The following GRIA1 variants were observed in gnomAD, a reference collection of about 807,000 sequenced individuals.
GRIA1 encodes glutamate receptor 1.
In GRIA1, 31 loss-of-function variants were observed where a neutral mutation model predicts 99.2. The ratio of observed to expected loss-of-function variants is 0.31; its 90% confidence interval spans 0.23 to 0.42. The LOEUF is 0.42. GRIA1 is among the 10% of genes least tolerant of loss of function. The pLI, the probability that GRIA1 is intolerant of heterozygous loss-of-function variation, is 1.00. For missense variants in GRIA1, 782 were observed against 1,157.5 expected (o/e 0.68, Z 4.71); for synonymous variants, 438 against 432.4 (o/e 1.01, Z -0.16).
At chr5:153,724,818 A>G (rs2149546844) in intron 11 of GRIA1, among the ~76,000 whole-genome samples, 1 of 152,214 alleles carries the variant, frequency 6.6e-6, no homozygotes, top group East Asian at 1.9e-4. Context: ...GTTGGAAAAC[A>G]CTCTGCAGGA....
chr5:153,673,392 T>C (rs1296850727), intron 5 of GRIA1, among the ~76,000 whole-genome samples: 1 of 152,250 alleles, frequency 6.6e-6, no homozygotes, highest in Admixed American at 6.5e-5. Flanking sequence ...TATACTATAC[T>C]ATGCTGCATA....
At chr5:153,600,351 C>A (rs528860865) in intron 2 of GRIA1, among the ~76,000 whole-genome samples, 1 of 140,080 alleles carries the variant, frequency 7.1e-6, no homozygotes, top group Non-Finnish European at 1.5e-5. Context: ...GAGATCGCGC[C>A]GCTGCACTCC....
chr5:153,650,112 T>G (rs1004045702), intron 3 of GRIA1, among the ~76,000 whole-genome samples: 2 of 152,210 alleles, frequency 1.3e-5, no homozygotes, highest in African/African-American at 4.8e-5. Context: ...GATTTGAGCC[T>G]CAGATTGTTT....
intron 13 of GRIA1, among the ~76,000 whole-genome samples, chr5:153,772,763 T>A (rs1763965763): frequency 6.6e-6 from 1 of 152,190 alleles, no homozygotes; most frequent in Non-Finnish European, 1.5e-5. Flanking sequence ...AGAAACTTAT[T>A]GATCATCAGC....
At chr5:153,752,391 C>G (rs1448093613) in intron 11 of GRIA1, among the ~76,000 whole-genome samples, 2 of 152,092 alleles carry the variant, frequency 1.3e-5, no homozygotes, top group Non-Finnish European at 2.9e-5. Context: ...TTCTGTGTTC[C>G]TTCCATGCTA....
chr5:153,498,014 G>A (rs1350378219), intron 2 of GRIA1, among the ~76,000 whole-genome samples: 1 of 152,146 alleles, frequency 6.6e-6, no homozygotes. Flanking sequence ...TGCAGAAGGG[G>A]TCACCAAATA....
At chr5:153,489,765 T>A (rs1753744808), upstream of GRIA1, 2 of 456,456 alleles carry the variant, frequency 4.4e-6, no homozygotes, top group Non-Finnish European at 8.8e-6. Flanking sequence ...ATGACCAGCA[T>A]CCAGAAAGAC....
chr5:153,740,984 T>A (rs1761739870), intron 11 of GRIA1, among the ~76,000 whole-genome samples: 1 of 143,088 alleles, frequency 7.0e-6, no homozygotes, highest in South Asian at 2.4e-4. Flanking sequence ...TTTTTTTTTT[T>A]TTTTTTTGAG....
chr5:153,549,967 C>A (rs75721783), intron 2 of GRIA1, among the ~76,000 whole-genome samples: 1,946 of 152,208 alleles, frequency 0.013, 31 homozygotes, highest in African/African-American at 0.039. Flanking sequence ...CGCTTACTAT[C>A]GGTATGAAAT....
chr5:153,727,962 A>G (rs1334715667), intron 11 of GRIA1, among the ~76,000 whole-genome samples: 1 of 151,680 alleles, frequency 6.6e-6, no homozygotes, highest in Non-Finnish European at 1.5e-5. Context: ...TGGAGGCATC[A>G]CGCTACCTGA....
intron 13 of GRIA1, among the ~76,000 whole-genome samples, chr5:153,786,369 C>T (rs2149646895): frequency 6.6e-6 from 1 of 152,118 alleles, no homozygotes; most frequent in East Asian, 1.9e-4. Flanking sequence ...TTTCTAACTT[C>T]CACCCACTGT....
At chr5:153,549,604 T>C (rs868770553) in intron 2 of GRIA1, among the ~76,000 whole-genome samples, 1 of 152,208 alleles carries the variant, frequency 6.6e-6, no homozygotes, top group Middle Eastern at 3.4e-3. Context: ...ATCCAAAAAG[T>C]GGGCAAAAAT....
chr5:153,531,946 A>T (rs929860621), intron 2 of GRIA1, among the ~76,000 whole-genome samples: 3 of 152,142 alleles, frequency 2.0e-5, no homozygotes, highest in Admixed American at 6.5e-5. Context: ...GGTAGGGTCC[A>T]CTTGAAAACC....
intron 5 of GRIA1, among the ~76,000 whole-genome samples, chr5:153,669,694 T>C (rs1756009325): frequency 1.3e-5 from 2 of 152,246 alleles, no homozygotes; most frequent in Non-Finnish European, 2.9e-5. Flanking sequence ...GCCCATTCTT[T>C]CCAATTCTAT....
At chr5:153,595,020 C>T (rs990822387) in intron 2 of GRIA1, among the ~76,000 whole-genome samples, 1 of 152,038 alleles carries the variant, frequency 6.6e-6, no homozygotes, top group Admixed American at 6.5e-5. Flanking sequence ...TTTCAGCTTT[C>T]TTCACCTTGC....
Position 153,494,045 on chromosome 5 carries a change from G to T in GRIA1, c.200G>T (p.Ser67Ile). The change falls in exon 2 of 16, where the codon AGC becomes ATC. Residue 67 changes from serine to isoleucine, a missense_variant. Physicochemically the swap from Ser to Ile is moderately radical, Grantham distance 142 (BLOSUM62 -2). Around this residue, in one of 5 missense-constraint regions of GRIA1, gnomAD observed 461 missense variants for 521.7 expected, o/e 0.88. Coordinates refer to ENST00000285900, the MANE Select transcript of GRIA1 (RefSeq NM_000827.4). ...ATTGATATTGTGAACATCAGCGACA[G>T]CTTTGAGATGACCTATAGATGTAAG... ...PQIDIVNISD[S>I]FEMTYRFCSQ... 1 of 1,613,994 alleles carries T rather than the reference G, an allele frequency of 6.2e-7. No homozygotes were observed.
chr5:153,578,170 A>AAAAG (rs1554099527), intron 2 of GRIA1, among the ~76,000 whole-genome samples: 1,345 of 119,052 alleles, frequency 0.011, 41 homozygotes, highest in African/African-American at 0.037. Flanking sequence ...AAAAAAAAAA[A>AAAAG]AAAGAAAGAA....
intron 11 of GRIA1, among the ~76,000 whole-genome samples, chr5:153,713,121 A>G (rs893163710): frequency 6.6e-6 from 1 of 152,206 alleles, no homozygotes; most frequent in Non-Finnish European, 1.5e-5. Flanking sequence ...CATGGAGCCC[A>G]GGGTCCGCCA....
intron 8 of GRIA1, among the ~76,000 whole-genome samples, chr5:153,697,241 C>T (rs1038774118): frequency 9.2e-5 from 14 of 152,200 alleles, no homozygotes; most frequent in African/African-American, 3.1e-4. Flanking sequence ...GTCACTTCTG[C>T]GGCCATGTCA....
Sources: allele counts gnomAD v4.1 joint callset (sites outside exome capture counted in the v4.1 genomes callset), GRCh38; gene constraint gnomAD v4.1.1; regional missense constraint gnomAD v4.1.1; transcripts MANE v1.5; gene names NCBI Gene and HGNC (gene_info 2026-07-23, HGNC 2026-07-21).